Variants in ANKRD39 observed in about 807,000 individuals in gnomAD.
The protein encoded by ANKRD39 is ankyrin repeat domain-containing protein 39.
A neutral mutation model predicts 20.3 loss-of-function variants in ANKRD39; 18 were observed. That is an observed-to-expected ratio of 0.89 (90% CI 0.61 to 1.32). The LOEUF is 1.32. Among genes scored for constraint, ANKRD39 ranks in the 40% most tolerant of loss-of-function variants. The pLI, the probability that ANKRD39 is intolerant of heterozygous loss-of-function variation, is 0.00. For missense variants in ANKRD39, 243 were observed against 250.7 expected, an observed-to-expected ratio of 0.97 and a Z score of 0.21; for synonymous variants, 106 against 111.9, an observed-to-expected ratio of 0.95 and a Z score of 0.33.
Position 96,857,954 on chromosome 2 carries a change from A to G in ANKRD39, c.34T>C (p.Cys12Arg), listed in dbSNP as rs367607424. 1.9e-6 allele frequency: 3 copies of G among 1,572,020 alleles called. No homozygotes were observed. The highest frequency in any genetic ancestry group is 3.6e-5 in the Admixed American group (2 of 55,712). Residue 12 changes from cysteine (C) to arginine (R), a missense_variant, in exon 1 of 4, where the codon TGC becomes CGC. Physicochemically the swap from Cys to Arg is radical, Grantham distance 180. Coordinates refer to ENST00000393537, the MANE Select transcript of ANKRD39 (RefSeq NM_016466.6). Reference protein sequence around the residue: ...ATPRPCADGPCCSHPSAVLGV... With the variant: ...ATPRPCADGPRCSHPSAVLGV... ...AGCACCGCGCTGGGATGCGAGCAGC[A>G]GGGCCCGTCCGCGCAGGGCCGAGGC...
intron 1 of ANKRD39, among the ~76,000 whole-genome samples, chr2:96,857,559 G>T (rs2079871335): frequency 6.6e-6 from 1 of 152,270 alleles, no homozygotes; most frequent in Non-Finnish European, 1.5e-5. Context: ...CCCTGGTGCA[G>T]ATTCTGCTCC....
intron 3 of ANKRD39, among the ~76,000 whole-genome samples, chr2:96,849,620 A>C (rs1434334656): frequency 1.3e-5 from 2 of 152,134 alleles, no homozygotes; most frequent in African/African-American, 4.8e-5. Context: ...ACTGCACTCC[A>C]GCCTGGGGGA....
At chr2:96,857,809 A>T in intron 1 of ANKRD39, 79 bp downstream of exon 1, 1 of 1,441,116 alleles carries the variant, frequency 6.9e-7, no homozygotes, top group Non-Finnish European at 9.3e-7. Context: ...GGCCCCGTTC[A>T]TCCGCCTCTC....
chr2:96,848,808 G>A (rs1422158664), intron 3 of ANKRD39, among the ~76,000 whole-genome samples: 2 of 151,776 alleles, frequency 1.3e-5, no homozygotes, highest in African/African-American at 2.4e-5. Context: ...GCGACAGAGC[G>A]AGACTCCAAC....
At chr2:96,856,083 C>T (rs6753987) in intron 1 of ANKRD39, among the ~76,000 whole-genome samples, 31,255 of 152,258 alleles carry the variant, frequency 0.21, 6,318 homozygotes, top group African/African-American at 0.53. Flanking sequence ...GTAGCTAAAA[C>T]TGGCTTATCA....
intron 1 of ANKRD39, among the ~76,000 whole-genome samples, chr2:96,857,054 T>G (rs1476785119): frequency 1.3e-5 from 2 of 152,202 alleles, no homozygotes; most frequent in Non-Finnish European, 2.9e-5. Flanking sequence ...AAAGCCGCTC[T>G]GGCTGCTATG....
At chr2:96,856,260 T>G (rs2079864267) in intron 1 of ANKRD39, among the ~76,000 whole-genome samples, 1 of 151,598 alleles carries the variant, frequency 6.6e-6, no homozygotes, top group Admixed American at 6.6e-5. Flanking sequence ...GATCATGAGG[T>G]CAGGAGTTCC....
chr2:96,853,405 T>C lies in ANKRD39; in HGVS notation c.404A>G (p.His135Arg), dbSNP rs780345205. Reference protein sequence around the residue: ...VVDDDGMTSLHKAAERGHGDI... With the variant: ...VVDDDGMTSLRKAAERGHGDI... ...TGGAAGGGGGAACGGGCCCACCTTATGCAGACTGGTCATGCCGTCGTCATC... is the reference window on the plus strand; with the variant it reads ...TGGAAGGGGGAACGGGCCCACCTTACGCAGACTGGTCATGCCGTCGTCATC... Residue 135 changes from histidine to arginine, a missense_variant, in exon 3 of 4, where the codon CAT (histidine) becomes CGT (arginine). By Grantham distance (29) the His-to-Arg change is conservative (BLOSUM62 0). Coordinates refer to ENST00000393537, the MANE Select transcript of ANKRD39 (RefSeq NM_016466.6). The C allele has an allele frequency of 1.3e-6, 2 of 1,574,448 alleles. No individual in the cohort carries two copies. The highest frequency in any genetic ancestry group is 1.9e-5 in the Admixed American group (1 of 53,614).
At chr2:96,855,183 A>G (rs1163709574) in intron 1 of ANKRD39, among the ~76,000 whole-genome samples, 1 of 152,262 alleles carries the variant, frequency 6.6e-6, no homozygotes, top group African/African-American at 2.4e-5. Context: ...CCATTATTGC[A>G]CAATCCAAAA....
chr2:96,857,419 G>A (rs781407517), intron 1 of ANKRD39, among the ~76,000 whole-genome samples: 1 of 152,214 alleles, frequency 6.6e-6, no homozygotes, highest in Non-Finnish European at 1.5e-5. Flanking sequence ...AAGGCTGCCC[G>A]TGCGAAGCTC....
At position 96,853,625 on chromosome 2, in the gene ANKRD39, G is replaced by A. The variant is rs556310735; in HGVS notation, c.205-21C>T. On this transcript the variant is annotated intron_variant, in intron 2 of 3. Coordinates refer to ENST00000393537, the MANE Select transcript of ANKRD39 (RefSeq NM_016466.6). ...TAGTGCTGCAGGGAACAGAGACCGAGGTCAGATGGGAGAAGCCAGGCAGGT... is the reference window on the plus strand; with the variant it reads ...TAGTGCTGCAGGGAACAGAGACCGAAGTCAGATGGGAGAAGCCAGGCAGGT... 11 of 1,608,744 alleles carry A rather than the reference G, an allele frequency of 6.8e-6. No individual in the cohort carries two copies. In the South Asian group the frequency reaches 9.9e-5, roughly 15 times the overall value.
rs562094932 is a variant in ANKRD39, at chr2:96,853,058, A to G, written c.408+343T>C. ...ACCATGTGCAGGTATTTCCAGCTAGAAAGAGTTTAATTAAATGATCACTCC... is the reference window on the plus strand; with the variant it reads ...ACCATGTGCAGGTATTTCCAGCTAGGAAGAGTTTAATTAAATGATCACTCC... On this transcript the variant is annotated intron_variant, in intron 3 of 3. Transcript: ENST00000393537. 2.6e-5 allele frequency among the ~76,000 whole-genome samples: 4 copies of G among 152,340 alleles called. No homozygotes were observed. The East Asian group carries it at 7.7e-4, about 29-fold the overall frequency.
In ANKRD39 at chr2:96,853,622, C is replaced by G. The variant is rs372762301; in HGVS notation, c.205-18G>C. Reference sequence around the variant, plus strand: ...GCATAGTGCTGCAGGGAACAGAGACCGAGGTCAGATGGGAGAAGCCAGGCA... The same window carrying G: ...GCATAGTGCTGCAGGGAACAGAGACGGAGGTCAGATGGGAGAAGCCAGGCA... On this transcript the variant is annotated intron_variant, in intron 2 of 3. Coordinates refer to ENST00000393537, the MANE Select transcript of ANKRD39 (RefSeq NM_016466.6). 5.0e-6 allele frequency: 8 copies of G among 1,609,616 alleles called. No individual in the cohort carries two copies. The South Asian group carries it at 8.8e-5, about 18-fold the overall frequency.
At position 96,857,988 on chromosome 2, in the gene ANKRD39, C is replaced by T; in HGVS notation, c.-1G>A. ...CCGCGCAGGGCCGAGGCGTCGCCAT[C>T]CCGGCCCCGGCGTCAGTCGATCCGC... On this transcript the variant is annotated 5_prime_UTR_variant, in exon 1 of 4. Coordinates refer to ENST00000393537, the MANE Select transcript of ANKRD39 (RefSeq NM_016466.6). 6.5e-7 allele frequency: 1 copy of T among 1,527,416 alleles called. No individual in the cohort carries two copies. The highest frequency in any genetic ancestry group is 1.4e-5 in the African/African-American group (1 of 70,910). 94.6% of individuals were successfully genotyped at this position (1,527,416 alleles called of 1,614,324 possible).
At chr2:96,852,077 G>A (rs953547391) in intron 3 of ANKRD39, among the ~76,000 whole-genome samples, 24 of 152,040 alleles carry the variant, frequency 1.6e-4, no homozygotes, top group Admixed American at 2.6e-4. Flanking sequence ...CAGGCATGGT[G>A]GCATGCACCT....
At chr2:96,850,720 C>A (rs1157132657) in intron 3 of ANKRD39, among the ~76,000 whole-genome samples, 1 of 151,852 alleles carries the variant, frequency 6.6e-6, no homozygotes, top group African/African-American at 2.4e-5. Flanking sequence ...AAGAAAAATT[C>A]ACATATCTCA....
At chr2:96,857,155 A>C (rs2079869264) in intron 1 of ANKRD39, among the ~76,000 whole-genome samples, 1 of 152,154 alleles carries the variant, frequency 6.6e-6, no homozygotes, top group Admixed American at 6.5e-5. Flanking sequence ...CAGCGGTAGG[A>C]GGGGCGGAGG....
Position 96,848,527 on chromosome 2 carries a change from C to T in ANKRD39, c.409-83G>A, listed in dbSNP as rs1390534012. ...CTTGTTCCACTTTCAGTGGTTCTTC[C>T]TTCTAAAAAAGAGGCCTCTCTGGGC... On this transcript the variant is annotated intron_variant, in intron 3 of 3. Transcript: ENST00000393537. The T allele has an allele frequency of 3.9e-6, 6 of 1,557,910 alleles. No individual in the cohort carries two copies. The East Asian group carries it at 1.4e-4, about 36-fold the overall frequency.
chr2:96,856,201 C>T (rs1460658448), intron 1 of ANKRD39, among the ~76,000 whole-genome samples: 1 of 151,996 alleles, frequency 6.6e-6, no homozygotes, highest in Non-Finnish European at 1.5e-5. Flanking sequence ...ATGCCGGGTG[C>T]GGTGGCTCAC....
Sources: allele counts gnomAD v4.1 joint callset (sites outside exome capture counted in the v4.1 genomes callset), GRCh38; gene constraint gnomAD v4.1.1; transcripts MANE v1.5; gene names NCBI Gene and HGNC (gene_info 2026-07-23, HGNC 2026-07-21).